Variants in ZCCHC14 observed in about 807,000 individuals in gnomAD.
ZCCHC14 encodes the protein zinc finger CCHC domain-containing protein 14.
A neutral mutation model predicts 85.0 loss-of-function variants in ZCCHC14; 16 were observed. That is an observed-to-expected ratio of 0.19 (90% CI 0.13 to 0.29). The LOEUF (loss-of-function observed/expected upper bound fraction) is 0.29. ZCCHC14 is among the 10% of genes least tolerant of loss of function. The probability of loss-of-function intolerance (pLI) is 1.00; values close to 1 mark genes in which losing one functional copy is unlikely to be tolerated. For synonymous variants in ZCCHC14, 775 were observed against 630.7 expected, an observed-to-expected ratio of 1.23 and a Z score of -3.43; for missense variants, 1,303 against 1,443.5, an observed-to-expected ratio of 0.90 and a Z score of 1.58.
intron 1 of ZCCHC14, among the ~76,000 whole-genome samples, chr16:87,481,552 G>GGGGGGGA (rs1567544383): frequency 6.4e-5 from 2 of 31,166 alleles, no homozygotes; most frequent in Non-Finnish European, 1.4e-4. Context: ...TGGGGGGGGG[G>GGGGGGGA]AAGGGTAAGC....
chr16:87,480,806 G>A (rs1188889887), intron 1 of ZCCHC14, among the ~76,000 whole-genome samples: 1 of 152,158 alleles, frequency 6.6e-6, no homozygotes, highest in African/African-American at 2.4e-5. Context: ...CAAAATGACT[G>A]GTATCTATGA....
intron 2 of ZCCHC14, among the ~76,000 whole-genome samples, chr16:87,448,632 G>C (rs966416131): frequency 2.0e-5 from 3 of 152,124 alleles, no homozygotes; most frequent in African/African-American, 7.2e-5. Flanking sequence ...GTTTTGCTCT[G>C]GTGGTCACTT....
At chr16:87,456,533 CAAAAAAAAAA>C (rs60817141) in intron 2 of ZCCHC14, among the ~76,000 whole-genome samples, 14,670 of 63,768 alleles carry the variant, frequency 0.23, 1,466 homozygotes, top group East Asian at 0.57. Flanking sequence ...ACTCTGTCTC[CAAAAAAAAAA>C]AAAAAAAAAA....
chr16:87,433,246 G>A lies in ZCCHC14; in HGVS notation c.695-45C>T, dbSNP rs1194525813. ...AACAAAAATGAAATAAGAGCTTGAAGTATATACATGATTATTTAGCATTTG... is the reference window on the plus strand; with the variant it reads ...AACAAAAATGAAATAAGAGCTTGAAATATATACATGATTATTTAGCATTTG... On this transcript the variant is annotated intron_variant, in intron 2 of 12. Coordinates refer to ENST00000671377, the MANE Select transcript of ZCCHC14 (RefSeq NM_015144.3). 13 of 1,548,656 alleles carry A rather than the reference G, an allele frequency of 8.4e-6. No individual in the cohort carries two copies. The South Asian group carries it at 1.0e-4, about 12-fold the overall frequency.
At chr16:87,464,200 G>T (rs1379428922) in intron 1 of ZCCHC14, among the ~76,000 whole-genome samples, 1 of 152,242 alleles carries the variant, frequency 6.6e-6, no homozygotes, top group Non-Finnish European at 1.5e-5. Flanking sequence ...CTGAGCAGGG[G>T]AAAACACAGC....
At chr16:87,487,745 C>T (rs11866207) in intron 1 of ZCCHC14, among the ~76,000 whole-genome samples, 3,321 of 152,348 alleles carry the variant, frequency 0.022, 116 homozygotes, top group African/African-American at 0.074. Context: ...AAGGTCCACC[C>T]GCTGAAGAAT....
At chr16:87,426,302 G>C (rs909187856) in intron 3 of ZCCHC14, among the ~76,000 whole-genome samples, 1 of 152,192 alleles carries the variant, frequency 6.6e-6, no homozygotes, top group African/African-American at 2.4e-5. Flanking sequence ...GTACTATGGG[G>C]ACACGTGTCC....
Position 87,412,708 on chromosome 16 carries a change from C to G in ZCCHC14, c.2013G>C (p.Leu671Phe). ...KLLSSSVHSL[L>F]SLEERNKGSG... ...ATCCTTTATTCCTTTCTTCTAGAGACAAAAGTGAGTGCACAGAAGACGAGA... is the reference window on the plus strand; with the variant it reads ...ATCCTTTATTCCTTTCTTCTAGAGAGAAAAGTGAGTGCACAGAAGACGAGA... Residue 671 changes from leucine (L) to phenylalanine (F), a missense_variant, in exon 12 of 13, where the codon TTG becomes TTC. By Grantham distance (22) the Leu-to-Phe change is conservative. Around this residue, in one of 7 missense-constraint regions of ZCCHC14, gnomAD observed 797 missense variants for 730.8 expected, o/e 1.09. Coordinates refer to ENST00000671377, the MANE Select transcript of ZCCHC14 (RefSeq NM_015144.3). The G allele has an allele frequency of 6.2e-7, 1 of 1,614,230 alleles. No individual in the cohort carries two copies. The highest frequency in any genetic ancestry group is 8.5e-7 in the Non-Finnish European group (1 of 1,180,042).
At chr16:87,428,289 G>C (rs1435530948) in intron 3 of ZCCHC14, among the ~76,000 whole-genome samples, 1 of 152,172 alleles carries the variant, frequency 6.6e-6, no homozygotes, top group African/African-American at 2.4e-5. Flanking sequence ...GGGGCAGGGA[G>C]AAGTTACTTA....
intron 2 of ZCCHC14, among the ~76,000 whole-genome samples, chr16:87,444,076 A>G (rs1251365750): frequency 6.6e-6 from 1 of 151,966 alleles, no homozygotes; most frequent in Non-Finnish European, 1.5e-5. Flanking sequence ...AAGAAAAGGA[A>G]AAACACAGAA....
chr16:87,429,195 G>C (rs977495652), intron 3 of ZCCHC14, among the ~76,000 whole-genome samples: 1 of 152,200 alleles, frequency 6.6e-6, no homozygotes, highest in African/African-American at 2.4e-5. Context: ...AGCCTGAGGT[G>C]GGTGGGGCCG....
chr16:87,429,204 C>T lies in ZCCHC14; in HGVS notation c.768+3924G>A, dbSNP rs768809851. Among the ~76,000 whole-genome samples, 80 of 152,172 alleles carry T rather than the reference C, an allele frequency of 5.3e-4. 1 individual carries two copies. Among genetic ancestry groups the T allele is most frequent in the Non-Finnish European group, 1.3e-4 (9 of 68,028 alleles). On this transcript the variant is annotated intron_variant, in intron 3 of 12. Coordinates refer to ENST00000671377, the MANE Select transcript of ZCCHC14 (RefSeq NM_015144.3). ...CACCGCAGCCTGAGGTGGGTGGGGC[C>T]GGCGTTTTTCATTCCAGTATTTCAA...
chr16:87,427,169 A>G (rs1417625487), intron 3 of ZCCHC14, among the ~76,000 whole-genome samples: 1 of 152,240 alleles, frequency 6.6e-6, no homozygotes, highest in African/African-American at 2.4e-5. Flanking sequence ...ATCTCCACTC[A>G]GCTCTGCCAC....
At chr16:87,432,837 C>A (rs76114354) in intron 3 of ZCCHC14, among the ~76,000 whole-genome samples, 4,738 of 152,258 alleles carry the variant, frequency 0.031, 250 homozygotes, top group African/African-American at 0.11. Flanking sequence ...GCTCCGCAGG[C>A]TGCCTCATCC....
intron 2 of ZCCHC14, among the ~76,000 whole-genome samples, chr16:87,451,999 C>G (rs1358957227): frequency 1.3e-5 from 2 of 152,228 alleles, no homozygotes; most frequent in African/African-American, 4.8e-5. Flanking sequence ...CGGGGCTGGG[C>G]AAGTGTGGGC....
intron 3 of ZCCHC14, among the ~76,000 whole-genome samples, chr16:87,429,864 C>T (rs1209417210): frequency 6.6e-6 from 1 of 152,238 alleles, no homozygotes; most frequent in South Asian, 2.1e-4. Flanking sequence ...GCCTTGGGCT[C>T]CCAAAGTGCT....
chr16:87,468,665 G>C (rs1049711802), intron 1 of ZCCHC14, among the ~76,000 whole-genome samples: 2 of 152,114 alleles, frequency 1.3e-5, no homozygotes, highest in Non-Finnish European at 2.9e-5. Context: ...CCCTAACCTA[G>C]TGGTTCTCAA....
intron 3 of ZCCHC14, among the ~76,000 whole-genome samples, chr16:87,432,525 G>A (rs1909713505): frequency 6.6e-6 from 1 of 152,148 alleles, no homozygotes; most frequent in Non-Finnish European, 1.5e-5. Flanking sequence ...GTAGCCAGAG[G>A]GGGCCTGTAC....
At chr16:87,482,910 G>A (rs922318846) in intron 1 of ZCCHC14, among the ~76,000 whole-genome samples, 10 of 152,034 alleles carry the variant, frequency 6.6e-5, no homozygotes, top group African/African-American at 2.4e-4. Flanking sequence ...CAGAATGTAC[G>A]GGGCGTCATG....
Sources: gnomAD v4.1 joint callset for allele counts (sites outside exome capture counted in the v4.1 genomes callset) on GRCh38, gnomAD v4.1.1 for gene constraint, gnomAD v4.1.1 regional missense constraint, MANE v1.5 for transcripts, NCBI Gene and HGNC (gene_info 2026-07-23, HGNC 2026-07-21) for gene names.